Variants in PAN3 observed in about 807,000 individuals in gnomAD.
PAN3 encodes the protein poly(A) specific ribonuclease subunit PAN3.
In PAN3, 19 loss-of-function variants were observed where a neutral mutation model predicts 96.2. The ratio of observed to expected loss-of-function variants is 0.20; its 90% confidence interval spans 0.14 to 0.29. The LOEUF is 0.29. Ranked by LOEUF, PAN3 falls within the 10% of genes least tolerant of loss-of-function variation. PAN3 has a pLI of 1.00. For synonymous variants in PAN3, 433 were observed against 406.6 expected, an observed-to-expected ratio of 1.06 and a Z score of -0.78; for missense variants, 882 against 1,108.1, an observed-to-expected ratio of 0.80 and a Z score of 2.90.
chr13:28,201,925 T>C (rs1878750521), intron 5 of PAN3, among the ~76,000 whole-genome samples: 1 of 152,212 alleles, frequency 6.6e-6, no homozygotes, highest in Non-Finnish European at 1.5e-5. Flanking sequence ...TACGGTTTAA[T>C]TTTTGGTTTT....
At chr13:28,248,039 C>A (rs1884371472) in intron 6 of PAN3, among the ~76,000 whole-genome samples, 1 of 152,018 alleles carries the variant, frequency 6.6e-6, no homozygotes, top group South Asian at 2.1e-4. Context: ...TTAATTCTTC[C>A]AATTCATGAG....
At chr13:28,280,273 AACTTG>A in intron 15 of PAN3, 134 bp from the exon 16 acceptor site, 1 of 1,002,046 alleles carries the variant, frequency 1.0e-6, no homozygotes, top group Non-Finnish European at 1.4e-6. Context: ...TTTAAGAATG[AACTTG>A]ACTTGCATGA....
intron 9 of PAN3, among the ~76,000 whole-genome samples, chr13:28,266,128 G>A (rs1294497873): frequency 6.6e-6 from 1 of 151,960 alleles, no homozygotes; most frequent in Non-Finnish European, 1.5e-5. Context: ...ATACAAAATA[G>A]TGTATAGAAA....
chr13:28,177,221 A>G (rs1053199217), intron 3 of PAN3, among the ~76,000 whole-genome samples: 1 of 152,134 alleles, frequency 6.6e-6, no homozygotes, highest in African/African-American at 2.4e-5. Context: ...AAGATATATA[A>G]TTTTATTTGT....
At chr13:28,254,208 T>G (rs1304322462) in intron 6 of PAN3, among the ~76,000 whole-genome samples, 1 of 152,228 alleles carries the variant, frequency 6.6e-6, no homozygotes, top group Non-Finnish European at 1.5e-5. Context: ...TGGAATTAAA[T>G]CAACCTGAGT....
chr13:28,166,609 A>G (rs73446923), intron 1 of PAN3, among the ~76,000 whole-genome samples: 5,760 of 152,184 alleles, frequency 0.038, 333 homozygotes, highest in African/African-American at 0.13. Flanking sequence ...ACCCTGGTAA[A>G]AGCTCTCTGC....
At chr13:28,281,653 C>T (rs2138723101) in intron 17 of PAN3, among the ~76,000 whole-genome samples, 1 of 152,240 alleles carries the variant, frequency 6.6e-6, no homozygotes, top group Non-Finnish European at 1.5e-5. Context: ...CTAATACTAC[C>T]TCTACCCTAT....
intron 5 of PAN3, among the ~76,000 whole-genome samples, chr13:28,206,315 CTTTTT>C (rs71086837): frequency 2.1e-5 from 2 of 94,948 alleles, no homozygotes; most frequent in African/African-American, 4.3e-5. Context: ...GTCTAACTGA[CTTTTT>C]TTTTTTTTTT....
At chr13:28,153,017 A>G (rs1871575097) in intron 1 of PAN3, among the ~76,000 whole-genome samples, 1 of 152,146 alleles carries the variant, frequency 6.6e-6, no homozygotes, top group Non-Finnish European at 1.5e-5. Context: ...TGTTAGACTC[A>G]TTCTATGGAA....
chr13:28,149,540 G>C (rs1374287412), intron 1 of PAN3, among the ~76,000 whole-genome samples: 2 of 152,128 alleles, frequency 1.3e-5, no homozygotes, highest in East Asian at 3.8e-4. Flanking sequence ...GTAGTCGCTA[G>C]AAAGTTTCAT....
At chr13:28,262,292 T>C (rs1225646358) in intron 9 of PAN3, among the ~76,000 whole-genome samples, 2 of 152,232 alleles carry the variant, frequency 1.3e-5, no homozygotes, top group African/African-American at 4.8e-5. Context: ...CGTATTAAAG[T>C]ATCTTTCCTT....
At chr13:28,190,101 G>A (rs1273973331) in intron 4 of PAN3, among the ~76,000 whole-genome samples, 2 of 151,952 alleles carry the variant, frequency 1.3e-5, no homozygotes, top group Non-Finnish European at 2.9e-5. Flanking sequence ...GTACCACCAC[G>A]CCTGGCTAAT....
At chr13:28,268,328 A>G (rs917178759) in intron 12 of PAN3, among the ~76,000 whole-genome samples, 2 of 151,984 alleles carry the variant, frequency 1.3e-5, no homozygotes, top group East Asian at 3.9e-4. Flanking sequence ...TATTATGACT[A>G]TATTGTTCTT....
intron 1 of PAN3, among the ~76,000 whole-genome samples, chr13:28,166,421 G>A (rs534464568): frequency 6.6e-6 from 1 of 152,280 alleles, no homozygotes; most frequent in Admixed American, 6.5e-5. Flanking sequence ...CTGGGGGTGG[G>A]TCCTGAAGGC....
Position 28,212,089 on chromosome 13 carries a change from G to T in PAN3, c.853-8142G>T, listed in dbSNP as rs570169639. 2.6e-5 allele frequency among the ~76,000 whole-genome samples: 4 copies of T among 152,324 alleles called. No homozygotes were observed. The South Asian group carries it at 6.2e-4, about 24-fold the overall frequency. On this transcript the variant is annotated intron_variant, in intron 5 of 18. Transcript: ENST00000380958. ...GAATCTTTAGCTGATGTGAATTCAG[G>T]ATGTGAATGAAGAGGCTACCAGAGC...
At chr13:28,144,040 A>G (rs999135962) in intron 1 of PAN3, among the ~76,000 whole-genome samples, 2 of 152,074 alleles carry the variant, frequency 1.3e-5, no homozygotes, top group Non-Finnish European at 2.9e-5. Context: ...AGGCTTTATA[A>G]TACTGTTCAT....
intron 6 of PAN3, among the ~76,000 whole-genome samples, chr13:28,248,402 G>C (rs1324206372): frequency 6.6e-6 from 1 of 152,020 alleles, no homozygotes; most frequent in African/African-American, 2.4e-5. Flanking sequence ...TTTCCAAACT[G>C]TTTGCCTTTG....
intron 4 of PAN3, among the ~76,000 whole-genome samples, chr13:28,192,625 T>G (rs1877440210): frequency 6.6e-6 from 1 of 152,238 alleles, no homozygotes; most frequent in African/African-American, 2.4e-5. Flanking sequence ...ACATGATTAC[T>G]TATGCATTGT....
At chr13:28,194,437 CATATATATGTATGTATATATAT>C (rs1274065915) in intron 4 of PAN3, among the ~76,000 whole-genome samples, 7 of 132,458 alleles carry the variant, frequency 5.3e-5, no homozygotes, top group African/African-American at 2.1e-4. Flanking sequence ...TGTATATATA[CATATATATGTATGTATATATAT>C]ATATATATTT....
Sources: gnomAD v4.1 joint callset for allele counts (sites outside exome capture counted in the v4.1 genomes callset) on GRCh38, gnomAD v4.1.1 for gene constraint, MANE v1.5 for transcripts, NCBI Gene and HGNC (gene_info 2026-07-23, HGNC 2026-07-21) for gene names.